The following GOLPH3 variants were observed in gnomAD, a reference collection of about 807,000 sequenced individuals.
GOLPH3 encodes the protein coat protein GPP34.
GOLPH3 carries 14 observed loss-of-function variants against 28.5 expected under a neutral mutation model. That is an observed-to-expected ratio of 0.49 (90% confidence interval 0.32 to 0.77). The LOEUF (loss-of-function observed/expected upper bound fraction) is 0.77, where lower values mean the gene tolerates loss of function less well. Among genes scored for constraint, GOLPH3 ranks in the 30% least tolerant of loss-of-function variants. The probability of loss-of-function intolerance (pLI) is 0.03; values close to 1 mark genes in which losing one functional copy is unlikely to be tolerated. For missense variants in GOLPH3, 350 were observed against 393.7 expected (o/e 0.89, Z 0.94); for synonymous variants, 158 against 159.2 (o/e 0.99, Z 0.06).
At chr5:32,141,919 A>T (rs1746072415) in intron 2 of GOLPH3, among the ~76,000 whole-genome samples, 1 of 151,502 alleles carries the variant, frequency 6.6e-6, no homozygotes, top group Non-Finnish European at 1.5e-5. Flanking sequence ...AATGGTGCCC[A>T]GGCTGGAGCG....
chr5:32,127,235 G>A (rs1291519006), intron 3 of GOLPH3, among the ~76,000 whole-genome samples: 1 of 152,146 alleles, frequency 6.6e-6, no homozygotes, highest in East Asian at 1.9e-4. Flanking sequence ...TTTCACTAAA[G>A]TGGGTTCTTC....
chr5:32,145,158 T>C (rs1746160573), intron 1 of GOLPH3, among the ~76,000 whole-genome samples: 1 of 152,240 alleles, frequency 6.6e-6, no homozygotes, highest in South Asian at 2.1e-4. Context: ...AACTTCATTT[T>C]TGATACAAGG....
intron 1 of GOLPH3, among the ~76,000 whole-genome samples, chr5:32,145,120 G>A (rs1278619480): frequency 1.3e-5 from 2 of 152,180 alleles, no homozygotes; most frequent in Admixed American, 6.5e-5. Flanking sequence ...TTGTGTTTCA[G>A]AAGATGACTG....
intron 1 of GOLPH3, among the ~76,000 whole-genome samples, chr5:32,148,717 A>AC (rs1226933884): frequency 6.6e-6 from 1 of 152,186 alleles, no homozygotes. Flanking sequence ...GAATAACGTG[A>AC]CCCCAGGAGG....
At chr5:32,142,684 G>A (rs578050049) in intron 2 of GOLPH3, among the ~76,000 whole-genome samples, 2 of 147,420 alleles carry the variant, frequency 1.4e-5, no homozygotes, top group Non-Finnish European at 3.0e-5. Flanking sequence ...CAGCCGCCCC[G>A]TCCGGGAGGG....
At chr5:32,141,776 A>T (rs1283255156) in intron 2 of GOLPH3, among the ~76,000 whole-genome samples, 1 of 151,744 alleles carries the variant, frequency 6.6e-6, no homozygotes, top group Non-Finnish European at 1.5e-5. Flanking sequence ...TGGTTTTCGT[A>T]TTTTTTTGGT....
At chr5:32,127,536 T>A (rs959608573) in intron 3 of GOLPH3, among the ~76,000 whole-genome samples, 2 of 152,234 alleles carry the variant, frequency 1.3e-5, no homozygotes, top group Non-Finnish European at 2.9e-5. Flanking sequence ...TAGAGCTATT[T>A]AAATTAATTT....
At chr5:32,142,027 C>A (rs1320326758) in intron 2 of GOLPH3, among the ~76,000 whole-genome samples, 1 of 152,154 alleles carries the variant, frequency 6.6e-6, no homozygotes, top group Non-Finnish European at 1.5e-5. Context: ...GGCCGCCACC[C>A]CGTCTGGGAA....
chr5:32,155,119 G>T (rs891030621), intron 1 of GOLPH3, among the ~76,000 whole-genome samples: 36 of 86,990 alleles, frequency 4.1e-4, no homozygotes, highest in Non-Finnish European at 3.3e-4. Flanking sequence ...AAAAATTAAC[G>T]TTCTAAAATG....
At chr5:32,143,380 T>C (rs1479902523) in intron 2 of GOLPH3, among the ~76,000 whole-genome samples, 2 of 151,784 alleles carry the variant, frequency 1.3e-5, no homozygotes, top group East Asian at 1.9e-4. Flanking sequence ...TCTGCTGACC[T>C]TCCCTCCACT....
chr5:32,172,481 G>A (rs1746859324), intron 1 of GOLPH3, among the ~76,000 whole-genome samples: 1 of 151,854 alleles, frequency 6.6e-6, no homozygotes, highest in Non-Finnish European at 1.5e-5. Flanking sequence ...CGGATCACTA[G>A]GTCAAGAGAT....
intron 2 of GOLPH3, among the ~76,000 whole-genome samples, chr5:32,139,892 G>C (rs369292195): frequency 1.6e-4 from 24 of 152,136 alleles, no homozygotes; most frequent in African/African-American, 5.1e-4. Flanking sequence ...AACAAACTAC[G>C]ATTTTTAAAA....
intron 1 of GOLPH3, among the ~76,000 whole-genome samples, chr5:32,171,360 T>A (rs1354903442): frequency 6.6e-6 from 1 of 152,202 alleles, no homozygotes; most frequent in Non-Finnish European, 1.5e-5. Context: ...TTTAAAGCCA[T>A]CCTGGGCCAC....
intron 1 of GOLPH3, among the ~76,000 whole-genome samples, chr5:32,147,064 C>T (rs1039326436): frequency 1.3e-5 from 2 of 152,124 alleles, no homozygotes; most frequent in Non-Finnish European, 2.9e-5. Flanking sequence ...AATATTAATA[C>T]GTATGTATAT....
At chr5:32,143,576 T>C (rs1041564260) in intron 2 of GOLPH3, among the ~76,000 whole-genome samples, 173 bp downstream of exon 2, 4 of 152,140 alleles carry the variant, frequency 2.6e-5, no homozygotes, top group South Asian at 2.1e-4. Flanking sequence ...ACATTACTCA[T>C]TGTAGGTGAA....
intron 3 of GOLPH3, among the ~76,000 whole-genome samples, chr5:32,128,305 T>C (rs1013979720): frequency 6.6e-6 from 1 of 152,106 alleles, no homozygotes; most frequent in Non-Finnish European, 1.5e-5. Flanking sequence ...AAAATTCACA[T>C]CTTAGTAGTA....
chr5:32,161,066 CAAAAAAAAA>C lies in GOLPH3; in HGVS notation c.225+12735_225+12743del, dbSNP rs34874287. 1.2e-3 allele frequency among the ~76,000 whole-genome samples: 71 copies of C among 60,056 alleles called. 1 individual carries two copies. Among genetic ancestry groups the C allele is most frequent in the African/African-American group, 4.7e-3 (53 of 11,240 alleles). 39.4% of individuals were successfully genotyped at this position (60,056 alleles called of 152,430 possible). A position where few individuals can be genotyped will look rare whatever the true frequency, so the allele number is the denominator to read the frequency against. Reference sequence around the variant, plus strand: ...TGGGTGACAGAGCGAGACTCCGTCTCAAAAAAAAAAAAAAAAAAAAAAAAAAATTGGGTG... The same window carrying C: ...TGGGTGACAGAGCGAGACTCCGTCTCAAAAAAAAAAAAAAAAAATTGGGTG... On this transcript the variant is annotated intron_variant, in intron 1 of 3. Coordinates refer to ENST00000265070, the MANE Select transcript of GOLPH3 (RefSeq NM_022130.4).
At position 32,169,149 on chromosome 5, in the gene GOLPH3, G is replaced by A. The variant is rs1581559957; in HGVS notation, c.225+4661C>T. On this transcript the variant is annotated intron_variant, in intron 1 of 3. Transcript: ENST00000265070. Reference sequence around the variant, plus strand: ...TTTTTTTAATTAGCTGGGCATGGTGGTGTGTGCCTGTGGTCCTAGCTCCTC... The same window carrying A: ...TTTTTTTAATTAGCTGGGCATGGTGATGTGTGCCTGTGGTCCTAGCTCCTC... 1.3e-5 allele frequency among the ~76,000 whole-genome samples: 2 copies of A among 152,070 alleles called. 1 individual carries two copies. Among genetic ancestry groups the A allele is most frequent in the Middle Eastern group, 6.8e-3 (2 of 294 alleles).
At chr5:32,147,434 A>G (rs1746203007) in intron 1 of GOLPH3, among the ~76,000 whole-genome samples, 1 of 151,282 alleles carries the variant, frequency 6.6e-6, no homozygotes, top group Non-Finnish European at 1.5e-5. Context: ...CTTCATCTCA[A>G]ACAAAAAAAA....
Sources: gnomAD v4.1 joint callset for allele counts (sites outside exome capture counted in the v4.1 genomes callset) on GRCh38, gnomAD v4.1.1 for gene constraint, MANE v1.5 for transcripts, NCBI Gene and HGNC (gene_info 2026-07-23, HGNC 2026-07-21) for gene names.